The following CFAP43 variants were observed in gnomAD, a reference collection of about 807,000 sequenced individuals.
The protein encoded by CFAP43 is cilia- and flagella-associated protein 43.
A neutral mutation model predicts 218.9 loss-of-function variants in CFAP43; 155 were observed. The observed-to-expected ratio is 0.71, with a 90% CI of 0.62 to 0.81. The LOEUF is 0.81. Among genes scored for constraint, CFAP43 ranks in the 30% least tolerant of loss-of-function variants. The probability of loss-of-function intolerance (pLI) is 0.00; values close to 1 mark genes in which losing one functional copy is unlikely to be tolerated. For synonymous variants in CFAP43, 645 were observed against 681.3 expected, an observed-to-expected ratio of 0.95 and a Z score of 0.83; for missense variants, 1,778 against 1,954.3, an observed-to-expected ratio of 0.91 and a Z score of 1.70.
intron 27 of CFAP43, among the ~76,000 whole-genome samples, chr10:104,157,485 G>A (rs757680741): frequency 2.0e-5 from 3 of 152,128 alleles, no homozygotes; most frequent in African/African-American, 7.2e-5. Context: ...GGGGCTCAGC[G>A]TCTAGCCCAG....
intron 31 of CFAP43, among the ~76,000 whole-genome samples, chr10:104,144,081 C>A (rs2087834147): frequency 6.6e-6 from 1 of 152,124 alleles, no homozygotes; most frequent in South Asian, 2.1e-4. Flanking sequence ...AAGAAGGGTA[C>A]AAAGATTTGG....
chr10:104,171,050 A>G (rs1056548160), intron 20 of CFAP43, among the ~76,000 whole-genome samples: 1 of 152,052 alleles, frequency 6.6e-6, no homozygotes, highest in East Asian at 1.9e-4. Context: ...TTAGTTCTCA[A>G]CTGAAATGTC....
At chr10:104,220,139 C>T (rs2091137391) in intron 3 of CFAP43, among the ~76,000 whole-genome samples, 1 of 152,122 alleles carries the variant, frequency 6.6e-6, no homozygotes, top group South Asian at 2.1e-4. Flanking sequence ...AAAATAAAAG[C>T]AGAGATCTGG....
chr10:104,196,354 A>G (rs2090381293), intron 10 of CFAP43, among the ~76,000 whole-genome samples: 1 of 152,190 alleles, frequency 6.6e-6, no homozygotes, highest in Non-Finnish European at 1.5e-5. Context: ...TTTCCATTAA[A>G]TGGGACCATT....
chr10:104,218,735 T>C (rs2091091565), intron 3 of CFAP43: 1 of 524,420 alleles, frequency 1.9e-6, no homozygotes, highest in Non-Finnish European at 3.9e-6. Flanking sequence ...GTTTGTGCCC[T>C]TCCCCTCATC....
At chr10:104,160,787 T>G (rs1214434805) in intron 27 of CFAP43, among the ~76,000 whole-genome samples, 1 of 152,200 alleles carries the variant, frequency 6.6e-6, no homozygotes, top group Non-Finnish European at 1.5e-5. Context: ...GCCAAATGAA[T>G]TGTAATGACA....
chr10:104,153,656 T>C (rs2088387306), intron 27 of CFAP43, among the ~76,000 whole-genome samples: 3 of 152,254 alleles, frequency 2.0e-5, no homozygotes. Context: ...AATTTTGATA[T>C]AACTTCAAAC....
Position 104,202,640 on chromosome 10 carries a change from T to A in CFAP43, c.1095+1032A>T, listed in dbSNP as rs74154751. On this transcript the variant is annotated intron_variant, in intron 8 of 37. Coordinates refer to ENST00000357060, the MANE Select transcript of CFAP43 (RefSeq NM_025145.7). ...CGAATTCATTTATTCTCTCTTTGGCTATGTCCAACCTTTTGTCAGACATGT... is the reference window on the plus strand; with the variant it reads ...CGAATTCATTTATTCTCTCTTTGGCAATGTCCAACCTTTTGTCAGACATGT... Among the ~76,000 whole-genome samples, 168 of 152,322 alleles carry A rather than the reference T, an allele frequency of 1.1e-3. 1 individual carries two copies. Among genetic ancestry groups the A allele is most frequent in the Middle Eastern group, 3.4e-3 (1 of 294 alleles).
intron 8 of CFAP43, among the ~76,000 whole-genome samples, chr10:104,201,976 G>T (rs952505076): frequency 6.6e-6 from 1 of 151,922 alleles, no homozygotes; most frequent in African/African-American, 2.4e-5. Context: ...TTACATCAGG[G>T]GTCATCAAAC....
intron 11 of CFAP43, 145 bp downstream of exon 11, chr10:104,193,721 T>A: frequency 1.7e-6 from 2 of 1,160,648 alleles, no homozygotes; most frequent in Non-Finnish European, 2.4e-6. Flanking sequence ...CTCTGTACCT[T>A]TTGAGTGTTG....
In CFAP43 at chr10:104,203,358, C is replaced by T. The variant is rs909774220; in HGVS notation, c.1095+314G>A. The T allele has an allele frequency of 4.5e-5, 15 of 336,694 alleles. No homozygotes were observed. The East Asian group carries it at 5.4e-4, about 12-fold the overall frequency. 20.9% of individuals were successfully genotyped at this position (336,694 alleles called of 1,614,324 possible). On this transcript the variant is annotated intron_variant, in intron 8 of 37. Transcript: ENST00000357060. ...TACATATAACTGTTAACACCATAAG[C>T]GGAGAGTCTGCATGGAAATGGAGGC...
In CFAP43 at chr10:104,142,339, C is replaced by T. The variant is rs1255709522; in HGVS notation, c.4213G>A (p.Val1405Ile). ...TGTTGCACCTTCTCTTCCTCCTCAA[C>T]TCTCTTCTGGAGGAAAGTTGCCATT... ...LEMATFLQKR[V>I]EEEEKVQQEI... is the part of the protein sequence containing the mutation. Residue 1405 changes from valine to isoleucine, a missense_variant, in exon 33 of 38, where the codon GTT becomes ATT. Transcript: ENST00000357060. The T allele has an allele frequency of 6.2e-7, 1 of 1,613,478 alleles. No homozygotes were observed. The highest frequency in any genetic ancestry group is 8.5e-7 in the Non-Finnish European group (1 of 1,179,774).
intron 19 of CFAP43, among the ~76,000 whole-genome samples, chr10:104,176,847 A>G (rs1400009813): frequency 1.3e-5 from 2 of 152,202 alleles, no homozygotes; most frequent in Admixed American, 6.5e-5. Context: ...CTGTGCCACT[A>G]TGTTTTTCTG....
chr10:104,207,748 C>T lies in CFAP43; in HGVS notation c.812G>A (p.Cys271Tyr). ...AATCATTAAAAGATGACCCTCTTCA[C>T]AGCCAATGTACAAGTCACTTGTTGG... ...WTPTSDLYIGCEEGHLLMING... is the reference protein window; with the variant it reads ...WTPTSDLYIGYEEGHLLMING... The change falls in exon 6 of 38, where the codon TGT becomes TAT. Residue 271 changes from cysteine to tyrosine, a missense_variant. Cys to Tyr is a radical substitution (Grantham distance 194, BLOSUM62 -2). Transcript: ENST00000357060. The T allele has an allele frequency of 6.2e-7, 1 of 1,614,164 alleles. No homozygotes were observed. Among genetic ancestry groups the T allele is most frequent in the Non-Finnish European group, 8.5e-7 (1 of 1,180,018 alleles).
chr10:104,190,867 C>T lies in CFAP43; in HGVS notation c.1546+1332G>A, dbSNP rs150887910. On this transcript the variant is annotated intron_variant, in intron 12 of 37. Transcript: ENST00000357060. Reference sequence around the variant, plus strand: ...TTCCTTAACTGGGCTCTGCCACTAACTAGATGCATGGCCTTGAACAAGTAC... The same window carrying T: ...TTCCTTAACTGGGCTCTGCCACTAATTAGATGCATGGCCTTGAACAAGTAC... 1.9e-3 allele frequency among the ~76,000 whole-genome samples: 289 copies of T among 152,334 alleles called. 2 individuals are homozygous for T. The Middle Eastern group carries it at 0.02, about 11-fold the overall frequency.
intron 27 of CFAP43, among the ~76,000 whole-genome samples, chr10:104,154,127 A>G (rs2088419800): frequency 6.6e-6 from 1 of 152,116 alleles, no homozygotes; most frequent in Non-Finnish European, 1.5e-5. Context: ...TCCATTTGTA[A>G]TTTATTAATT....
At chr10:104,154,118 C>CTATTTGT (rs2088418723) in intron 27 of CFAP43, among the ~76,000 whole-genome samples, 2 of 152,100 alleles carry the variant, frequency 1.3e-5, no homozygotes, top group Non-Finnish European at 2.9e-5. Context: ...GTTAGTTTTT[C>CTATTTGT]CATTTGTAAT....
chr10:104,145,816 C>T (rs2087939711), intron 30 of CFAP43, among the ~76,000 whole-genome samples: 1 of 152,210 alleles, frequency 6.6e-6, no homozygotes, highest in South Asian at 2.1e-4. Flanking sequence ...AGAAGTTTCC[C>T]AAAGAAGTGT....
intron 34 of CFAP43, among the ~76,000 whole-genome samples, chr10:104,134,235 G>A (rs957350179): frequency 1.3e-5 from 2 of 151,740 alleles, no homozygotes; most frequent in East Asian, 1.9e-4. Context: ...TCAACTATAC[G>A]GAAAATCAAA....
Sources: allele counts gnomAD v4.1 joint callset (sites outside exome capture counted in the v4.1 genomes callset), GRCh38; gene constraint gnomAD v4.1.1; transcripts MANE v1.5; gene names NCBI Gene and HGNC (gene_info 2026-07-23, HGNC 2026-07-21).